Variants in FILIP1L observed in about 807,000 individuals in gnomAD.
FILIP1L encodes the protein filamin A-interacting protein 1-like.
Under a neutral mutation model 96.6 loss-of-function variants are expected in FILIP1L, and 55 were observed. That is an observed-to-expected ratio of 0.57 (90% CI 0.46 to 0.71). The LOEUF is 0.71. Among genes scored for constraint, FILIP1L ranks in the 30% least tolerant of loss-of-function variants. The probability of loss-of-function intolerance (pLI) is 0.00; values close to 1 mark genes in which losing one functional copy is unlikely to be tolerated. For synonymous variants in FILIP1L, 467 were observed against 473.9 expected (o/e 0.99, Z 0.19); for missense variants, 1,304 against 1,321.2 (o/e 0.99, Z 0.20).
intron 1 of FILIP1L, among the ~76,000 whole-genome samples, chr3:99,960,611 T>A (rs1708462329): frequency 6.6e-6 from 1 of 152,206 alleles, no homozygotes; most frequent in African/African-American, 2.4e-5. Context: ...TACAGTCTTT[T>A]TACCTGCTTC....
intron 1 of FILIP1L, among the ~76,000 whole-genome samples, chr3:100,100,260 A>G (rs1260685938): frequency 2.0e-5 from 3 of 152,158 alleles, no homozygotes; most frequent in Admixed American, 2.0e-4. Context: ...TGGACAAGAG[A>G]TAGAACAGGA....
rs1176838153 is a variant in FILIP1L, at chr3:99,848,956, G to A, written c.2720C>T (p.Thr907Ile). The change falls in exon 5 of 6, where the codon ACT becomes ATT. Residue 907 changes from threonine (T) to isoleucine (I), a missense_variant. By Grantham distance (89) the Thr-to-Ile change is moderately conservative. Transcript: ENST00000477258. ...GGCTGTGTTTTGTACATGGTCTGGAGTAACCTTTATATGAAGTGGCTGCCC... is the reference window on the plus strand; with the variant it reads ...GGCTGTGTTTTGTACATGGTCTGGAATAACCTTTATATGAAGTGGCTGCCC... ...TPGQPLHIKV[T>I]PDHVQNTATL... 6.2e-7 allele frequency: 1 copy of A among 1,614,128 alleles called. No individual in the cohort carries two copies. The highest frequency in any genetic ancestry group is 1.7e-5 in the Admixed American group (1 of 60,016).
chr3:99,849,989 C>T lies in FILIP1L; in HGVS notation c.1687G>A (p.Glu563Lys). Residue 563 changes from glutamate (E) to lysine (K), a missense_variant, in exon 5 of 6, where the codon GAG becomes AAG. Glu to Lys is a moderately conservative substitution (Grantham distance 56, BLOSUM62 1). Transcript: ENST00000477258. Reference protein sequence around the residue: ...VEEKMYSVTKERDDLKNKLKA... With the variant: ...VEEKMYSVTKKRDDLKNKLKA... Reference sequence around the variant, plus strand: ...AATTTGTTTTTTAAATCATCTCTCTCCTTGGTTACGCTGTACATCTTTTCT... The same window carrying T: ...AATTTGTTTTTTAAATCATCTCTCTTCTTGGTTACGCTGTACATCTTTTCT... The T allele has an allele frequency of 6.2e-7, 1 of 1,612,058 alleles. No individual in the cohort carries two copies. The highest frequency in any genetic ancestry group is 1.1e-5 in the South Asian group (1 of 90,222).
intron 4 of FILIP1L, among the ~76,000 whole-genome samples, chr3:99,866,045 C>T (rs1944497078): frequency 6.6e-6 from 1 of 152,064 alleles, no homozygotes; most frequent in Non-Finnish European, 1.5e-5. Context: ...CTTCTCTTAA[C>T]CTCTACTCTT....
chr3:99,950,119 T>C (rs898976340), intron 1 of FILIP1L, among the ~76,000 whole-genome samples: 2 of 152,174 alleles, frequency 1.3e-5, no homozygotes, highest in African/African-American at 4.8e-5. Flanking sequence ...AGAACAAAAG[T>C]AGGTAAAGTT....
chr3:99,876,099 G>A (rs552498606), intron 4 of FILIP1L: 4 of 986,448 alleles, frequency 4.1e-6, no homozygotes, highest in Non-Finnish European at 4.8e-6. Flanking sequence ...GGGCCGGGCG[G>A]GGGCCGGGCC....
rs1707457497 is a variant in FILIP1L at position 99,930,861 on chromosome 3, C to T, written c.160G>A (p.Glu54Lys). ...SDVILPCPKA[E>K]KPHSGNGHQA... Reference sequence around the variant, plus strand: ...TGGCCATTACCACTGTGTGGCTTCTCTGCCTTGGGACACGGAAGTATTACA... The same window carrying T: ...TGGCCATTACCACTGTGTGGCTTCTTTGCCTTGGGACACGGAAGTATTACA... The change falls in exon 2 of 6, where the codon GAG (glutamate) becomes AAG (lysine). Residue 54 changes from glutamate (E) to lysine (K), a missense_variant. Physicochemically the swap from Glu to Lys is moderately conservative, Grantham distance 56. Transcript: ENST00000477258. The T allele has an allele frequency of 1.2e-6, 2 of 1,612,918 alleles. No homozygotes were observed. The highest frequency in any genetic ancestry group is 1.7e-5 in the Admixed American group (1 of 59,882).
chr3:100,031,821 T>C (rs2065026927), intron 1 of FILIP1L, among the ~76,000 whole-genome samples: 1 of 152,092 alleles, frequency 6.6e-6, no homozygotes, highest in Non-Finnish European at 1.5e-5. Context: ...AAAGCAAAAA[T>C]AGGAAATATT....
intron 1 of FILIP1L, among the ~76,000 whole-genome samples, chr3:99,997,333 A>G (rs772053717): frequency 1.3e-5 from 2 of 152,222 alleles, no homozygotes; most frequent in African/African-American, 4.8e-5. Flanking sequence ...AGGAACAACT[A>G]TGTGCTCACA....
At chr3:99,941,547 A>G (rs1050740563) in intron 1 of FILIP1L, among the ~76,000 whole-genome samples, 11 of 152,204 alleles carry the variant, frequency 7.2e-5, no homozygotes, top group East Asian at 1.9e-4. Flanking sequence ...GAGGTGTTCA[A>G]TGGTGAAAAG....
At chr3:99,843,754 G>A (rs974016890) in intron 5 of FILIP1L, among the ~76,000 whole-genome samples, 1 of 152,092 alleles carries the variant, frequency 6.6e-6, no homozygotes, top group African/African-American at 2.4e-5. Flanking sequence ...GCCACGGACT[G>A]GTAGCAGTCC....
intron 1 of FILIP1L, among the ~76,000 whole-genome samples, chr3:100,089,610 A>G (rs2066069262): frequency 6.6e-6 from 1 of 152,188 alleles, no homozygotes; most frequent in Admixed American, 6.5e-5. Context: ...AGCATTTCCC[A>G]TTATGGTTCT....
At chr3:100,060,092 TGTGCCGG>T (rs1235580062) in intron 1 of FILIP1L, among the ~76,000 whole-genome samples, 1 of 152,080 alleles carries the variant, frequency 6.6e-6, no homozygotes, top group Non-Finnish European at 1.5e-5. Context: ...TGCCCTCAGC[TGTGCCGG>T]GTATGGTAAA....
intron 1 of FILIP1L, among the ~76,000 whole-genome samples, chr3:100,003,367 C>A (rs1709897354): frequency 6.6e-6 from 1 of 152,206 alleles, no homozygotes. Context: ...TCAGGGTTTT[C>A]TTCCCTTACG....
intron 4 of FILIP1L, among the ~76,000 whole-genome samples, chr3:99,919,819 A>G (rs1576572966): frequency 6.6e-6 from 1 of 152,188 alleles, no homozygotes; most frequent in African/African-American, 2.4e-5. Flanking sequence ...CTTCATTGAA[A>G]CTTAACAGCA....
intron 1 of FILIP1L, among the ~76,000 whole-genome samples, chr3:99,974,754 G>GA (rs1323237223): frequency 5.3e-5 from 8 of 152,032 alleles, no homozygotes; most frequent in African/African-American, 1.7e-4. Context: ...GTTTGGAGTG[G>GA]AAAAAACCTG....
chr3:100,018,333 G>GA (rs1172350071), intron 1 of FILIP1L, among the ~76,000 whole-genome samples: 1 of 151,752 alleles, frequency 6.6e-6, no homozygotes, highest in African/African-American at 2.4e-5. Flanking sequence ...TCTCCAAACA[G>GA]AAAAAAAGAA....
rs1943582316 is a variant in FILIP1L, at chr3:99,849,977, A to G, written c.1699T>C (p.Leu567=). Residue 567 remains leucine, a synonymous_variant, in exon 5 of 6, where the codon TTA becomes CTA. Coordinates refer to ENST00000477258, the MANE Select transcript of FILIP1L (RefSeq NM_001387850.1). The part of the protein sequence containing the change: ...MYSVTKERDD[L]KNKLKAEEEK... ...TCTTCCGCTTTCAATTTGTTTTTTA[A>G]ATCATCTCTCTCCTTGGTTACGCTG... 2 of 1,612,272 alleles carry G rather than the reference A, an allele frequency of 1.2e-6. No homozygotes were observed. Among genetic ancestry groups the G allele is most frequent in the South Asian group, 2.2e-5 (2 of 90,394 alleles).
At chr3:100,051,910 G>A (rs1034908893) in intron 1 of FILIP1L, among the ~76,000 whole-genome samples, 2 of 148,018 alleles carry the variant, frequency 1.4e-5, no homozygotes, top group African/African-American at 4.9e-5. Context: ...TTATTAATAT[G>A]TGTTATTAAA....
Sources: gnomAD v4.1 joint callset for allele counts (sites outside exome capture counted in the v4.1 genomes callset) on GRCh38, gnomAD v4.1.1 for gene constraint, MANE v1.5 for transcripts, NCBI Gene and HGNC (gene_info 2026-07-23, HGNC 2026-07-21) for gene names.